PEX14: variants seen among roughly 807,000 people sequenced by gnomAD.
The protein encoded by PEX14 is peroxisomal membrane protein PEX14.
PEX14 carries 15 observed loss-of-function variants against 49.5 expected under a neutral mutation model. That is an observed-to-expected ratio of 0.30 (90% CI 0.20 to 0.47). The LOEUF is 0.47. PEX14 is among the 20% of genes least tolerant of loss of function. The pLI, the probability that PEX14 is intolerant of heterozygous loss-of-function variation, is 1.00. For synonymous variants in PEX14, 210 were observed against 212.7 expected (o/e 0.99, Z 0.11); for missense variants, 398 against 494.8 (o/e 0.80, Z 1.86).
intron 1 of PEX14, among the ~76,000 whole-genome samples, chr1:10,490,288 C>T (rs1449632379): frequency 6.6e-6 from 1 of 152,186 alleles, no homozygotes; most frequent in African/African-American, 2.4e-5. Flanking sequence ...TCTGGAGTCA[C>T]AGTCACCGGG....
intron 3 of PEX14, among the ~76,000 whole-genome samples, chr1:10,566,434 T>G (rs1412827808): frequency 6.6e-6 from 1 of 152,200 alleles, no homozygotes; most frequent in Non-Finnish European, 1.5e-5. Flanking sequence ...TGACTTTGTT[T>G]ATGATGCTTT....
intron 3 of PEX14, among the ~76,000 whole-genome samples, chr1:10,562,604 A>G (rs894726813): frequency 3.3e-5 from 5 of 152,164 alleles, no homozygotes; most frequent in Non-Finnish European, 7.4e-5. Flanking sequence ...CAGGAGTGGT[A>G]TTGTGTCTTT....
intron 3 of PEX14, among the ~76,000 whole-genome samples, chr1:10,568,070 G>A (rs996762337): frequency 1.3e-5 from 2 of 152,082 alleles, no homozygotes; most frequent in South Asian, 4.2e-4. Flanking sequence ...TTTATGGTAC[G>A]TTAATTCATG....
At chr1:10,598,646 G>A (rs911756168) in intron 3 of PEX14, among the ~76,000 whole-genome samples, 1 of 152,148 alleles carries the variant, frequency 6.6e-6, no homozygotes, top group Non-Finnish European at 1.5e-5. Flanking sequence ...GAAAGTTTGG[G>A]CCTGGCCTTG....
chr1:10,517,578 G>C (rs1641992442), intron 2 of PEX14, among the ~76,000 whole-genome samples: 1 of 151,836 alleles, frequency 6.6e-6, no homozygotes, highest in African/African-American at 2.4e-5. Context: ...GAATGTGGCT[G>C]AACCAGATTT....
intron 1 of PEX14, among the ~76,000 whole-genome samples, chr1:10,477,235 T>C (rs974957755): frequency 6.6e-6 from 1 of 152,028 alleles, no homozygotes; most frequent in Non-Finnish European, 1.5e-5. Context: ...CATGCCCAGC[T>C]AATTTTTTGT....
chr1:10,562,484 C>A (rs1187557084), intron 3 of PEX14, among the ~76,000 whole-genome samples: 1 of 152,138 alleles, frequency 6.6e-6, no homozygotes, highest in Admixed American at 6.5e-5. Flanking sequence ...CTTTTATTAC[C>A]TTGACATTTT....
At position 10,543,388 on chromosome 1, in the gene PEX14, C is replaced by G. The variant is rs115455996; in HGVS notation, c.169+7091C>G. ...TGATCTCATGATTCACCTGTCTCGG[C>G]CTCTCAAAGTGCTGGTATTACAGGC... On this transcript the variant is annotated intron_variant, in intron 3 of 8. Transcript: ENST00000356607. Among the ~76,000 whole-genome samples the G allele has an allele frequency of 5.1e-3, 774 of 152,270 alleles. 3 individuals carry two copies. The highest frequency in any genetic ancestry group is 0.018 in the African/African-American group (729 of 41,536).
intron 2 of PEX14, among the ~76,000 whole-genome samples, chr1:10,522,324 T>C (rs1275132682): frequency 6.6e-6 from 1 of 152,234 alleles, no homozygotes; most frequent in Non-Finnish European, 1.5e-5. Flanking sequence ...TTAATATTGT[T>C]GCCAGACAGA....
chr1:10,543,284 G>C (rs146199830), intron 3 of PEX14, among the ~76,000 whole-genome samples: 1,715 of 152,262 alleles, frequency 0.011, 35 homozygotes, highest in African/African-American at 0.039. Flanking sequence ...ACAGGGGCCT[G>C]CCACCGCACC....
At chr1:10,485,463 A>G (rs1270619377) in intron 1 of PEX14, among the ~76,000 whole-genome samples, 1 of 150,926 alleles carries the variant, frequency 6.6e-6, no homozygotes, top group African/African-American at 2.5e-5. Flanking sequence ...ACTCAGGTGC[A>G]TGCCACCATG....
rs114593266 is a variant in PEX14, at chr1:10,488,168, G to C, written c.37-7106G>C. On this transcript the variant is annotated intron_variant, in intron 1 of 8. Transcript: ENST00000356607. ...ATATTAAACTTTTTTATTTTTTCCAGAGTCAGTTTTGGTATGTTGTGTCTC... is the reference window on the plus strand; with the variant it reads ...ATATTAAACTTTTTTATTTTTTCCACAGTCAGTTTTGGTATGTTGTGTCTC... 6.3e-3 allele frequency among the ~76,000 whole-genome samples: 951 copies of C among 152,092 alleles called. 8 individuals are homozygous for C. The highest frequency in any genetic ancestry group is 0.022 in the African/African-American group (901 of 41,480).
intron 3 of PEX14, among the ~76,000 whole-genome samples, chr1:10,563,739 C>T (rs879784983): frequency 6.6e-6 from 1 of 151,968 alleles, no homozygotes; most frequent in Non-Finnish European, 1.5e-5. Context: ...GGTGAAACCC[C>T]GTCTCTACTA....
At chr1:10,606,304 G>GC (rs779629414) in intron 4 of PEX14, among the ~76,000 whole-genome samples, 1 of 152,202 alleles carries the variant, frequency 6.6e-6, no homozygotes, top group African/African-American at 2.4e-5. Context: ...CTGCTGTCCA[G>GC]CCAGCGAGAG....
At chr1:10,528,801 C>T (rs960232412) in intron 2 of PEX14, among the ~76,000 whole-genome samples, 7 of 152,214 alleles carry the variant, frequency 4.6e-5, no homozygotes, top group East Asian at 1.9e-4. Flanking sequence ...TCTTGCCACT[C>T]GTCTCTGGCA....
intron 7 of PEX14, among the ~76,000 whole-genome samples, chr1:10,624,806 CA>C (rs1641698331): frequency 6.6e-6 from 1 of 152,170 alleles, no homozygotes; most frequent in African/African-American, 2.4e-5. Context: ...CAGGTCACAG[CA>C]TGGCCAGGAG....
intron 1 of PEX14, among the ~76,000 whole-genome samples, chr1:10,488,760 C>T (rs914027070): frequency 2.6e-5 from 4 of 152,160 alleles, no homozygotes; most frequent in African/African-American, 9.7e-5. Context: ...GCCTCGGCCT[C>T]CCAAAGTGCT....
At chr1:10,479,672 T>C (rs540120776) in intron 1 of PEX14, among the ~76,000 whole-genome samples, 1 of 152,230 alleles carries the variant, frequency 6.6e-6, no homozygotes, top group East Asian at 1.9e-4. Context: ...AAATTTTGCA[T>C]TGAGAGGCTA....
intron 2 of PEX14, among the ~76,000 whole-genome samples, chr1:10,499,475 G>A (rs1413497789): frequency 7.5e-6 from 1 of 133,538 alleles, no homozygotes; most frequent in Non-Finnish European, 1.5e-5. Flanking sequence ...TTGAGATGGA[G>A]TCTTGCTCTG....
Sources: gnomAD v4.1 joint callset for allele counts (sites outside exome capture counted in the v4.1 genomes callset) on GRCh38, gnomAD v4.1.1 for gene constraint, MANE v1.5 for transcripts, NCBI Gene and HGNC (gene_info 2026-07-23, HGNC 2026-07-21) for gene names.